Variants in EDIL3 observed in about 807,000 individuals in gnomAD.
The protein encoded by EDIL3 is EGF like and discoidin domains 3.
In EDIL3, 37 loss-of-function variants were observed where a neutral mutation model predicts 67.4. That is an observed-to-expected ratio of 0.55 (90% confidence interval 0.42 to 0.72). The LOEUF (loss-of-function observed/expected upper bound fraction) is 0.72, where lower values mean the gene tolerates loss of function less well. Among genes scored for constraint, EDIL3 ranks in the 30% least tolerant of loss-of-function variants. The pLI is 0.00. For synonymous variants in EDIL3, 195 were observed against 196.3 expected, an observed-to-expected ratio of 0.99 and a Z score of 0.05; for missense variants, 527 against 586.3, an observed-to-expected ratio of 0.90 and a Z score of 1.04.
chr5:84,199,908 G>T (rs1010134423), intron 3 of EDIL3, among the ~76,000 whole-genome samples: 3 of 152,012 alleles, frequency 2.0e-5, no homozygotes, highest in South Asian at 4.1e-4. Flanking sequence ...GTTAGCAAGG[G>T]CTTATAGCCA....
At chr5:83,978,000 C>G (rs142927614) in intron 9 of EDIL3, among the ~76,000 whole-genome samples, 12 of 151,690 alleles carry the variant, frequency 7.9e-5, no homozygotes, top group African/African-American at 2.9e-4. Flanking sequence ...TTGTCTTAAA[C>G]GCTATACTGA....
chr5:84,104,561 A>G (rs1747424654), intron 6 of EDIL3, among the ~76,000 whole-genome samples: 1 of 152,040 alleles, frequency 6.6e-6, no homozygotes, highest in Non-Finnish European at 1.5e-5. Context: ...ACTCTAATAT[A>G]AAACCTTTCA....
At chr5:84,181,793 TAC>T (rs1206889340) in intron 3 of EDIL3, among the ~76,000 whole-genome samples, 1 of 152,094 alleles carries the variant, frequency 6.6e-6, no homozygotes, top group African/African-American at 2.4e-5. Flanking sequence ...AACAAAAAAC[TAC>T]AGTTTTCTCT....
intron 1 of EDIL3, among the ~76,000 whole-genome samples, chr5:84,378,023 G>A (rs1280776078): frequency 6.6e-6 from 1 of 152,080 alleles, no homozygotes; most frequent in African/African-American, 2.4e-5. Flanking sequence ...ATAATTGCAG[G>A]ACATTTTATC....
intron 9 of EDIL3, among the ~76,000 whole-genome samples, chr5:84,033,373 A>C (rs988048377): frequency 6.6e-6 from 1 of 152,170 alleles, no homozygotes; most frequent in African/African-American, 2.4e-5. Flanking sequence ...CGTAACTTCA[A>C]AATTGTTCTA....
chr5:83,972,560 A>G (rs1359617883), intron 9 of EDIL3, among the ~76,000 whole-genome samples: 1 of 152,064 alleles, frequency 6.6e-6, no homozygotes, highest in Non-Finnish European at 1.5e-5. Flanking sequence ...ACCATAATAC[A>G]GGAACACTAA....
intron 8 of EDIL3, 93 bp downstream of exon 8, chr5:84,064,607 G>A: frequency 7.0e-7 from 1 of 1,430,496 alleles, no homozygotes; most frequent in Admixed American, 2.8e-5. Flanking sequence ...AATTTCTATG[G>A]TTGTTGAATT....
intron 6 of EDIL3, among the ~76,000 whole-genome samples, chr5:84,076,689 A>G (rs2216560): frequency 0.26 from 38,960 of 152,108 alleles, 5,213 homozygotes; most frequent in East Asian, 0.37. Flanking sequence ...TTCCAAAATT[A>G]TAAATTTCAC....
chr5:83,989,034 G>A (rs78240300), intron 9 of EDIL3, among the ~76,000 whole-genome samples: 9,648 of 152,092 alleles, frequency 0.063, 350 homozygotes, highest in South Asian at 0.13. Context: ...CAAATATTAA[G>A]TTTTTTGTTG....
chr5:84,203,786 TC>T (rs566762957), intron 3 of EDIL3, among the ~76,000 whole-genome samples: 215 of 152,292 alleles, frequency 1.4e-3, no homozygotes, highest in Non-Finnish European at 2.0e-3. Flanking sequence ...TCAACATTCC[TC>T]TAAGGAAAAA....
chr5:84,029,874 A>T (rs754594622), intron 9 of EDIL3, among the ~76,000 whole-genome samples: 2 of 152,222 alleles, frequency 1.3e-5, no homozygotes, highest in African/African-American at 2.4e-5. Context: ...AGGGAAAGAT[A>T]AATAAGTTTG....
intron 3 of EDIL3, among the ~76,000 whole-genome samples, chr5:84,183,411 AAACT>A (rs1318916179): frequency 6.6e-6 from 1 of 152,148 alleles, no homozygotes; most frequent in Non-Finnish European, 1.5e-5. Flanking sequence ...ATAGATTTTG[AAACT>A]AACTGATAAC....
At chr5:84,370,985 A>G (rs1740711531) in intron 1 of EDIL3, among the ~76,000 whole-genome samples, 1 of 152,104 alleles carries the variant, frequency 6.6e-6, no homozygotes, top group African/African-American at 2.4e-5. Flanking sequence ...TATGTAAGGT[A>G]CCACGTTTGG....
At chr5:84,280,409 C>T (rs367569779) in intron 1 of EDIL3, among the ~76,000 whole-genome samples, 1 of 152,192 alleles carries the variant, frequency 6.6e-6, no homozygotes, top group East Asian at 1.9e-4. Flanking sequence ...TACAATTACT[C>T]TACCTGTATG....
rs1289016060 is a variant in EDIL3, at chr5:84,060,300, C to T, written c.1137G>A (p.Gln379=). 1 of 1,612,890 alleles carries T rather than the reference C, an allele frequency of 6.2e-7. No individual in the cohort carries two copies. Among genetic ancestry groups the T allele is most frequent in the Non-Finnish European group, 8.5e-7 (1 of 1,179,502 alleles). ...SGHNDQSQWL[Q]VDLLVPTKVT... is the part of the protein sequence containing the mutation. ...GTGAAACAGTTTTGGAAAACTTTAC[C>T]TGTAACCATTGTGACTGGTCATTGT... Residue 379 remains glutamine (Q), a splice_region_variant and synonymous_variant, in exon 9 of 11, where the codon CAG becomes CAA. Coordinates refer to ENST00000296591, the MANE Select transcript of EDIL3 (RefSeq NM_005711.5).
intron 3 of EDIL3, among the ~76,000 whole-genome samples, chr5:84,220,349 A>G (rs1744317855): frequency 6.6e-6 from 1 of 152,192 alleles, no homozygotes; most frequent in South Asian, 2.1e-4. Context: ...AGAACAGGAT[A>G]AAATAAAGGC....
intron 9 of EDIL3, among the ~76,000 whole-genome samples, chr5:84,035,166 T>C (rs1376948698): frequency 1.3e-5 from 2 of 151,834 alleles, no homozygotes; most frequent in African/African-American, 4.8e-5. Context: ...CATTGGAGTA[T>C]ATATATATAT....
intron 2 of EDIL3, 69 bp downstream of exon 2, chr5:84,254,015 A>C: frequency 6.7e-7 from 1 of 1,496,730 alleles, no homozygotes. Flanking sequence ...ATAATGCACC[A>C]CAGCCAAACT....
chr5:84,218,475 C>G (rs1744276618), intron 3 of EDIL3, among the ~76,000 whole-genome samples: 1 of 152,190 alleles, frequency 6.6e-6, no homozygotes, highest in Non-Finnish European at 1.5e-5. Flanking sequence ...GAATAGAAGC[C>G]TCCACCAATT....
Sources: gnomAD v4.1 joint callset for allele counts (sites outside exome capture counted in the v4.1 genomes callset) on GRCh38, gnomAD v4.1.1 for gene constraint, MANE v1.5 for transcripts, NCBI Gene and HGNC (gene_info 2026-07-23, HGNC 2026-07-21) for gene names.